The following EGFLAM variants were observed in gnomAD, a reference collection of about 807,000 sequenced individuals.
EGFLAM encodes EGF like, fibronectin type III and laminin G domains.
Under a neutral mutation model 113.1 loss-of-function variants are expected in EGFLAM, and 79 were observed. The ratio of observed to expected loss-of-function variants is 0.70; its 90% CI spans 0.58 to 0.84. The LOEUF (loss-of-function observed/expected upper bound fraction) is 0.84. Ranked by LOEUF, EGFLAM falls within the 40% of genes least tolerant of loss-of-function variation. The pLI is 0.00. For synonymous variants in EGFLAM, 504 were observed against 487.6 expected (o/e 1.03, Z -0.44); for missense variants, 1,265 against 1,291.6 (o/e 0.98, Z 0.32).
intron 1 of EGFLAM, among the ~76,000 whole-genome samples, chr5:38,264,864 C>T (rs886622074): frequency 6.6e-6 from 1 of 152,200 alleles, no homozygotes; most frequent in African/African-American, 2.4e-5. Flanking sequence ...CCTAGCGCCC[C>T]ACGCAATTCA....
chr5:38,357,775 G>A (rs570252931), intron 5 of EGFLAM, among the ~76,000 whole-genome samples: 1 of 151,908 alleles, frequency 6.6e-6, no homozygotes, highest in Admixed American at 6.6e-5. Context: ...GTCCTCATGG[G>A]CACTTCTGCA....
intron 1 of EGFLAM, among the ~76,000 whole-genome samples, chr5:38,271,033 C>T (rs905896903): frequency 1.3e-5 from 2 of 152,106 alleles, no homozygotes; most frequent in Non-Finnish European, 2.9e-5. Context: ...TTTATTTCCT[C>T]AAATGAGGAC....
At chr5:38,414,299 C>T (rs1038747169) in intron 11 of EGFLAM, among the ~76,000 whole-genome samples, 10 of 152,156 alleles carry the variant, frequency 6.6e-5, no homozygotes, top group Admixed American at 5.2e-4. Flanking sequence ...ATAGGTCTAA[C>T]ATGATAAAAG....
chr5:38,297,399 A>G (rs1055012739), intron 1 of EGFLAM, among the ~76,000 whole-genome samples: 1 of 152,330 alleles, frequency 6.6e-6, no homozygotes, highest in African/African-American at 2.4e-5. Flanking sequence ...AATAAAGGCC[A>G]TTGTTTTCCG....
At chr5:38,388,218 T>G (rs1426313812) in intron 6 of EGFLAM, among the ~76,000 whole-genome samples, 1 of 152,200 alleles carries the variant, frequency 6.6e-6, no homozygotes, top group African/African-American at 2.4e-5. Context: ...ATAGCAGACG[T>G]GATTATATCA....
At chr5:38,308,752 C>T (rs1028650441) in intron 1 of EGFLAM, among the ~76,000 whole-genome samples, 5 of 151,994 alleles carry the variant, frequency 3.3e-5, no homozygotes, top group Non-Finnish European at 5.9e-5. Context: ...TCTATCAGGC[C>T]CATCTCACCA....
intron 1 of EGFLAM, among the ~76,000 whole-genome samples, chr5:38,334,502 C>T (rs756008772): frequency 1.3e-5 from 2 of 152,058 alleles, no homozygotes; most frequent in African/African-American, 2.4e-5. Context: ...GGGCTCTACC[C>T]TCATGACTTA....
In EGFLAM at chr5:38,407,864, A is replaced by T. The variant is rs1378966268; in HGVS notation, c.1207A>T (p.Lys403Ter). ...CTCCTATGTAACGTTTGAACCTCTG[A>T]AGAATTCTTATCAGGCATTTCAAAT... ...GHSYVTFEPL[K>*]NSYQAFQITL... The change falls in exon 9 of 22, where the codon AAG (lysine) becomes TAG (stop). Residue 403 changes from lysine (K) to a stop codon, truncating the protein, a stop_gained. Coordinates refer to ENST00000322350, the MANE Select transcript of EGFLAM (RefSeq NM_152403.4). LOFTEE classifies it high-confidence loss of function. 2 of 1,613,780 alleles carry T rather than the reference A, an allele frequency of 1.2e-6. No individual in the cohort carries two copies. Among genetic ancestry groups the T allele is most frequent in the African/African-American group, 2.7e-5 (2 of 74,928 alleles).
intron 9 of EGFLAM, 143 bp from the exon 10 acceptor site, chr5:38,408,861 A>G: frequency 1.4e-6 from 1 of 716,168 alleles, no homozygotes; most frequent in Non-Finnish European, 2.5e-6. Flanking sequence ...CTGGGAGTGA[A>G]TTGGAGCCCA....
chr5:38,353,517 T>A (rs965157647), intron 5 of EGFLAM, among the ~76,000 whole-genome samples: 7 of 152,248 alleles, frequency 4.6e-5, no homozygotes, highest in African/African-American at 1.4e-4. Context: ...CTTCTGTGTC[T>A]TGACTTCCTA....
chr5:38,448,844 A>G (rs765446855), intron 18 of EGFLAM, among the ~76,000 whole-genome samples: 2 of 152,202 alleles, frequency 1.3e-5, no homozygotes, highest in Non-Finnish European at 2.9e-5. Flanking sequence ...TTCCCTGCTG[A>G]GTCCATACCT....
intron 6 of EGFLAM, among the ~76,000 whole-genome samples, chr5:38,380,208 C>T (rs576594641): frequency 6.6e-6 from 1 of 152,340 alleles, no homozygotes; most frequent in East Asian, 1.9e-4. Context: ...CTGTACTATA[C>T]TGTTTGGGCA....
At chr5:38,333,336 C>T (rs1010012365) in intron 1 of EGFLAM, among the ~76,000 whole-genome samples, 4 of 152,138 alleles carry the variant, frequency 2.6e-5, no homozygotes, top group Non-Finnish European at 5.9e-5. Flanking sequence ...ATTGCTGGGT[C>T]GAATGGTACT....
chr5:38,374,160 T>C (rs1333820129), intron 6 of EGFLAM, among the ~76,000 whole-genome samples: 1 of 152,184 alleles, frequency 6.6e-6, no homozygotes, highest in Non-Finnish European at 1.5e-5. Context: ...TTTGGCCACT[T>C]GTATATCATT....
intron 16 of EGFLAM, among the ~76,000 whole-genome samples, chr5:38,437,933 G>A (rs112085840): frequency 0.047 from 7,180 of 152,102 alleles, 536 homozygotes; most frequent in African/African-American, 0.16. Context: ...AGACCAGCCT[G>A]GCCAACATGG....
At chr5:38,429,060 G>A (rs1004684184) in intron 14 of EGFLAM, among the ~76,000 whole-genome samples, 3 of 152,160 alleles carry the variant, frequency 2.0e-5, no homozygotes, top group African/African-American at 7.2e-5. Context: ...AGACAATGCA[G>A]TGAAAACTCA....
intron 16 of EGFLAM, 84 bp downstream of exon 16, chr5:38,435,337 G>T (rs1742310443): frequency 1.9e-6 from 2 of 1,027,156 alleles, no homozygotes; most frequent in Non-Finnish European, 3.0e-6. Flanking sequence ...GTCATCTGCT[G>T]CACCCAAGAA....
At chr5:38,281,979 T>A (rs571595255) in intron 1 of EGFLAM, among the ~76,000 whole-genome samples, 1 of 152,236 alleles carries the variant, frequency 6.6e-6, no homozygotes, top group Non-Finnish European at 1.5e-5. Context: ...AGAGTCATCA[T>A]GAACCCAAAC....
At chr5:38,344,223 C>G (rs141836901) in intron 3 of EGFLAM, among the ~76,000 whole-genome samples, 1 of 152,210 alleles carries the variant, frequency 6.6e-6, no homozygotes, top group Non-Finnish European at 1.5e-5. Flanking sequence ...CGGTGGCCCA[C>G]GCCTGTAATC....
Sources: allele counts gnomAD v4.1 joint callset (sites outside exome capture counted in the v4.1 genomes callset), GRCh38; gene constraint gnomAD v4.1.1; transcripts MANE v1.5; gene names NCBI Gene and HGNC (gene_info 2026-07-23, HGNC 2026-07-21).